Variants in KCNB2 observed in about 807,000 individuals in gnomAD.
KCNB2 encodes the protein delayed rectifier potassium channel protein.
A neutral mutation model predicts 61.5 loss-of-function variants in KCNB2; 15 were observed. The observed-to-expected ratio is 0.24, with a 90% CI of 0.16 to 0.38. KCNB2 has a LOEUF of 0.38. KCNB2 is among the 10% of genes least tolerant of loss of function. The pLI is 1.00. For synonymous variants in KCNB2, 457 were observed against 446.0 expected (o/e 1.02, Z -0.31); for missense variants, 828 against 1,125.2 (o/e 0.74, Z 3.78).
In KCNB2 at chr8:72,704,500, GGTGTGTGTGTGT is replaced by G. The variant is rs10524175; in HGVS notation, c.579+136214_579+136225del. 1.8e-3 allele frequency among the ~76,000 whole-genome samples: 269 copies of G among 147,652 alleles called. 1 individual carries two copies. The highest frequency in any genetic ancestry group is 5.8e-3 in the African/African-American group (235 of 40,770). On this transcript the variant is annotated intron_variant, in intron 2 of 2. Coordinates refer to ENST00000523207, the MANE Select transcript of KCNB2 (RefSeq NM_004770.3). Reference sequence around the variant, plus strand: ...CTCGGAGATACTGTCAGAGAAAGCTGGTGTGTGTGTGTGTGTGTGTGTGTGTGTGTGTGTGTG... The same window carrying G: ...CTCGGAGATACTGTCAGAGAAAGCTGGTGTGTGTGTGTGTGTGTGTGTGTG...
chr8:72,641,195 T>G (rs564561137), intron 2 of KCNB2, among the ~76,000 whole-genome samples: 1 of 152,242 alleles, frequency 6.6e-6, no homozygotes, highest in South Asian at 2.1e-4. Flanking sequence ...TATGCTTTAA[T>G]TTGGGAATGA....
At chr8:72,603,398 C>T (rs1483880031) in intron 2 of KCNB2, among the ~76,000 whole-genome samples, 1 of 152,166 alleles carries the variant, frequency 6.6e-6, no homozygotes, top group African/African-American at 2.4e-5. Flanking sequence ...ATATACTTAG[C>T]AGCTCTTTTC....
chr8:72,645,763 C>A (rs375688656), intron 2 of KCNB2, among the ~76,000 whole-genome samples: 278 of 152,262 alleles, frequency 1.8e-3, no homozygotes, highest in African/African-American at 6.3e-3. Context: ...TAGGATGAAA[C>A]TTCAAATGGA....
intron 2 of KCNB2, among the ~76,000 whole-genome samples, chr8:72,693,656 G>A (rs1806973809): frequency 6.6e-6 from 1 of 152,164 alleles, no homozygotes; most frequent in South Asian, 2.1e-4. Flanking sequence ...TGACTTAAAA[G>A]TTAACCAGTT....
intron 2 of KCNB2, among the ~76,000 whole-genome samples, chr8:72,592,722 C>A (rs1807120227): frequency 6.6e-6 from 1 of 152,094 alleles, no homozygotes; most frequent in South Asian, 2.1e-4. Context: ...TTCAGCCAGG[C>A]TTTCTCAGTG....
At chr8:72,908,188 T>C (rs1422343434) in intron 2 of KCNB2, among the ~76,000 whole-genome samples, 1 of 152,182 alleles carries the variant, frequency 6.6e-6, no homozygotes, top group East Asian at 1.9e-4. Context: ...TATGAAGGAA[T>C]ATAAACTTTT....
At chr8:72,715,005 G>T (rs1241166839) in intron 2 of KCNB2, among the ~76,000 whole-genome samples, 3 of 152,252 alleles carry the variant, frequency 2.0e-5, no homozygotes, top group Non-Finnish European at 2.9e-5. Flanking sequence ...GGCAGGGGTT[G>T]CAATCCTAGT....
At chr8:72,799,201 A>C (rs1809081923) in intron 2 of KCNB2, among the ~76,000 whole-genome samples, 1 of 152,192 alleles carries the variant, frequency 6.6e-6, no homozygotes, top group Admixed American at 6.6e-5. Context: ...TCAGAGAGCC[A>C]GGTGAAAAGT....
In KCNB2 at chr8:72,629,757, C is replaced by A. The variant is rs574354591; in HGVS notation, c.579+61444C>A. 1.9e-3 allele frequency among the ~76,000 whole-genome samples: 287 copies of A among 152,306 alleles called. 1 individual carries two copies. Among genetic ancestry groups the A allele is most frequent in the African/African-American group, 6.5e-3 (270 of 41,566 alleles). Reference sequence around the variant, plus strand: ...ATGGCCCCTTTAAGAACCTCCTAAGCCAGGCTCTGTGCTAGGCACTGAGCC... The same window carrying A: ...ATGGCCCCTTTAAGAACCTCCTAAGACAGGCTCTGTGCTAGGCACTGAGCC... On this transcript the variant is annotated intron_variant, in intron 2 of 2. Coordinates refer to ENST00000523207, the MANE Select transcript of KCNB2 (RefSeq NM_004770.3).
intron 2 of KCNB2, among the ~76,000 whole-genome samples, chr8:72,858,842 G>C (rs1248388686): frequency 6.6e-6 from 1 of 152,108 alleles, no homozygotes; most frequent in East Asian, 1.9e-4. Context: ...ATACAATAAG[G>C]GTTGCTCCTC....
At chr8:72,656,958 G>T (rs183444621) in intron 2 of KCNB2, among the ~76,000 whole-genome samples, 4 of 152,200 alleles carry the variant, frequency 2.6e-5, no homozygotes, top group Admixed American at 2.6e-4. Context: ...ACCCATATGT[G>T]GGATGGAAGT....
chr8:72,565,380 T>C (rs1477876792), intron 1 of KCNB2, among the ~76,000 whole-genome samples: 1 of 152,158 alleles, frequency 6.6e-6, no homozygotes, highest in Non-Finnish European at 1.5e-5. Flanking sequence ...AGAAGAGAGT[T>C]CTAATTATAA....
intron 2 of KCNB2, among the ~76,000 whole-genome samples, chr8:72,629,110 C>T (rs1034918804): frequency 1.3e-5 from 2 of 152,158 alleles, no homozygotes; most frequent in African/African-American, 4.8e-5. Flanking sequence ...ACACAATAGT[C>T]TTGATGTAGG....
At chr8:72,567,379 T>C (rs1001017329) in intron 1 of KCNB2, among the ~76,000 whole-genome samples, 4 of 152,134 alleles carry the variant, frequency 2.6e-5, no homozygotes, top group African/African-American at 9.7e-5. Flanking sequence ...TCTCATGACA[T>C]GTTTGGGAGT....
intron 2 of KCNB2, among the ~76,000 whole-genome samples, chr8:72,822,655 T>C (rs1585913056): frequency 2.0e-5 from 3 of 152,324 alleles, no homozygotes; most frequent in Admixed American, 2.0e-4. Flanking sequence ...ATGATCTTTT[T>C]TAAGTGACTA....
At chr8:72,591,492 A>G (rs1200669840) in intron 2 of KCNB2, among the ~76,000 whole-genome samples, 6 of 152,154 alleles carry the variant, frequency 3.9e-5, no homozygotes, top group African/African-American at 7.2e-5. Flanking sequence ...CTACTATGGG[A>G]GTGAAATTTT....
chr8:72,551,241 T>C (rs1806340485), intron 1 of KCNB2, among the ~76,000 whole-genome samples: 1 of 152,194 alleles, frequency 6.6e-6, no homozygotes, highest in South Asian at 2.1e-4. Context: ...GTTTATTTTT[T>C]ACAAAAAGCA....
chr8:72,772,794 A>G (rs1808582532), intron 2 of KCNB2, among the ~76,000 whole-genome samples: 1 of 152,170 alleles, frequency 6.6e-6, no homozygotes, highest in Non-Finnish European at 1.5e-5. Context: ...TGGATGAAAG[A>G]TGTTCTGTTC....
At chr8:72,853,915 A>G (rs1352638249) in intron 2 of KCNB2, among the ~76,000 whole-genome samples, 2 of 152,180 alleles carry the variant, frequency 1.3e-5, no homozygotes, top group Non-Finnish European at 2.9e-5. Context: ...ATACAAGTAG[A>G]TAGATATTTC....
Sources: allele counts gnomAD v4.1 joint callset (sites outside exome capture counted in the v4.1 genomes callset), GRCh38; gene constraint gnomAD v4.1.1; transcripts MANE v1.5; gene names NCBI Gene and HGNC (gene_info 2026-07-23, HGNC 2026-07-21).